Variants in TBC1D5 observed in about 807,000 individuals in gnomAD.
TBC1D5 encodes TBC1 domain family, member 5.
TBC1D5 carries 75 observed loss-of-function variants against 100.3 expected under a neutral mutation model. The observed-to-expected ratio is 0.75, with a 90% CI of 0.62 to 0.91. The LOEUF is 0.91. Among genes scored for constraint, TBC1D5 ranks in the 40% least tolerant of loss-of-function variants. TBC1D5 has a pLI of 0.00. For synonymous variants in TBC1D5, 323 were observed against 325.6 expected, an observed-to-expected ratio of 0.99 and a Z score of 0.09; for missense variants, 910 against 942.4, an observed-to-expected ratio of 0.97 and a Z score of 0.45.
At chr3:17,191,469 G>A (rs1302561509) in intron 18 of TBC1D5, among the ~76,000 whole-genome samples, 6 of 152,152 alleles carry the variant, frequency 3.9e-5, no homozygotes, top group African/African-American at 1.4e-4. Flanking sequence ...ATGCATGCAA[G>A]AATAACTCCC....
intron 19 of TBC1D5, among the ~76,000 whole-genome samples, chr3:17,182,681 A>AT (rs1414961821): frequency 1.3e-5 from 2 of 152,182 alleles, no homozygotes; most frequent in East Asian, 3.9e-4. Context: ...CTATACATTC[A>AT]TTTTAAAATT....
chr3:17,572,099 C>T lies in TBC1D5; in HGVS notation c.-36+51750G>A, dbSNP rs182933694. On this transcript the variant is annotated intron_variant, in intron 2 of 21. Transcript: ENST00000253692. The stretch of plus-strand genomic sequence containing the variant: ...AGGTTCCTCCTCTCCAATCTGTCTT[C>T]CTTACTTCTCTCTTATCACAGGTGT... Among the ~76,000 whole-genome samples the T allele has an allele frequency of 1.0e-3, 154 of 152,088 alleles. 2 individuals carry two copies. In the South Asian group the frequency reaches 0.018, roughly 18 times the overall value.
intron 13 of TBC1D5, among the ~76,000 whole-genome samples, chr3:17,366,593 A>C (rs752601557): frequency 2.0e-5 from 3 of 152,168 alleles, no homozygotes; most frequent in Non-Finnish European, 2.9e-5. Flanking sequence ...TGTTTAATGT[A>C]TAATATAAAG....
chr3:17,233,003 A>G (rs561293583), intron 17 of TBC1D5, among the ~76,000 whole-genome samples: 3 of 152,320 alleles, frequency 2.0e-5, no homozygotes, highest in South Asian at 4.1e-4. Context: ...AGACTGCATA[A>G]TAAAAGATTA....
At chr3:17,372,326 A>G in intron 12 of TBC1D5, 79 bp from the exon 13 acceptor site, 1 of 1,314,548 alleles carries the variant, frequency 7.6e-7, no homozygotes, top group South Asian at 1.8e-5. Context: ...TATCAATGAC[A>G]GTTTAAACAA....
At chr3:17,447,691 ACT>A (rs1272556257) in intron 3 of TBC1D5, among the ~76,000 whole-genome samples, 2 of 152,200 alleles carry the variant, frequency 1.3e-5, no homozygotes, top group Non-Finnish European at 2.9e-5. Context: ...GTGATCATGA[ACT>A]TAGGCTGAAA....
intron 14 of TBC1D5, among the ~76,000 whole-genome samples, chr3:17,294,362 T>G (rs1023039418): frequency 4.6e-5 from 7 of 152,168 alleles, no homozygotes; most frequent in African/African-American, 1.7e-4. Flanking sequence ...TATTACGGAC[T>G]AGAGAAGCAT....
chr3:17,467,983 G>A (rs532804556), intron 3 of TBC1D5, among the ~76,000 whole-genome samples: 1 of 152,184 alleles, frequency 6.6e-6, no homozygotes, highest in Admixed American at 6.5e-5. Flanking sequence ...CTGACTCCAA[G>A]TGAAGTAAAG....
chr3:17,346,802 T>C (rs1252846455), intron 13 of TBC1D5, among the ~76,000 whole-genome samples: 5 of 152,188 alleles, frequency 3.3e-5, no homozygotes, highest in African/African-American at 7.2e-5. Context: ...CCCAAATAGA[T>C]AATAAATTAT....
intron 9 of TBC1D5, among the ~76,000 whole-genome samples, chr3:17,382,832 G>C (rs911966446): frequency 6.6e-6 from 1 of 152,050 alleles, no homozygotes; most frequent in African/African-American, 2.4e-5. Flanking sequence ...AAAGTGCTGG[G>C]ATTATAGGTG....
intron 3 of TBC1D5, among the ~76,000 whole-genome samples, chr3:17,494,365 T>C (rs2095676957): frequency 6.6e-6 from 1 of 152,140 alleles, no homozygotes; most frequent in South Asian, 2.1e-4. Context: ...GTGACTCCTG[T>C]TGGAAGGTGT....
At chr3:17,386,564 T>A (rs73156353) in intron 8 of TBC1D5, among the ~76,000 whole-genome samples, 1 of 152,048 alleles carries the variant, frequency 6.6e-6, no homozygotes, top group African/African-American at 2.4e-5. Flanking sequence ...CTGCCAATCA[T>A]TGAGTTTTGG....
chr3:17,226,180 T>C (rs1296328033), intron 17 of TBC1D5, among the ~76,000 whole-genome samples: 4 of 150,660 alleles, frequency 2.7e-5, no homozygotes, highest in African/African-American at 9.8e-5. Flanking sequence ...CACATTTGTA[T>C]AGCACACTGG....
intron 2 of TBC1D5, among the ~76,000 whole-genome samples, chr3:17,621,808 C>T (rs561196488): frequency 6.6e-6 from 1 of 152,028 alleles, no homozygotes; most frequent in Non-Finnish European, 1.5e-5. Flanking sequence ...CAATAAGCAA[C>T]TAGAGGGCAG....
intron 2 of TBC1D5, among the ~76,000 whole-genome samples, chr3:17,604,426 G>C (rs952878730): frequency 6.6e-6 from 1 of 152,008 alleles, no homozygotes; most frequent in Non-Finnish European, 1.5e-5. Context: ...GAGCTCAGAG[G>C]GTAACAAGAC....
intron 2 of TBC1D5, among the ~76,000 whole-genome samples, chr3:17,512,302 GA>G (rs1443424204): frequency 1.3e-5 from 2 of 151,944 alleles, no homozygotes; most frequent in African/African-American, 4.8e-5. Context: ...AAAAAATTAA[GA>G]GATTTTATTT....
chr3:17,659,354 C>A (rs1228486723), intron 1 of TBC1D5, among the ~76,000 whole-genome samples: 1 of 151,720 alleles, frequency 6.6e-6, no homozygotes, highest in African/African-American at 2.4e-5. Context: ...TAAATAAGAT[C>A]TAACCAGAAT....
At chr3:17,564,142 G>A (rs1313488606) in intron 2 of TBC1D5, among the ~76,000 whole-genome samples, 1 of 152,068 alleles carries the variant, frequency 6.6e-6, no homozygotes, top group Non-Finnish European at 1.5e-5. Flanking sequence ...GCAAAAACAT[G>A]GAGTACTTAT....
At chr3:17,334,882 T>G (rs1420699887) in intron 13 of TBC1D5, among the ~76,000 whole-genome samples, 1 of 152,160 alleles carries the variant, frequency 6.6e-6, no homozygotes, top group East Asian at 1.9e-4. Context: ...TTTCTGACTC[T>G]GCATATTAAA....
Sources: gnomAD v4.1 joint callset for allele counts (sites outside exome capture counted in the v4.1 genomes callset) on GRCh38, gnomAD v4.1.1 for gene constraint, MANE v1.5 for transcripts, NCBI Gene and HGNC (gene_info 2026-07-23, HGNC 2026-07-21) for gene names.